Variants in GOLPH3 observed in about 807,000 individuals in gnomAD.
GOLPH3 encodes the protein golgi phosphoprotein 3.
GOLPH3 carries 14 observed loss-of-function variants against 28.5 expected under a neutral mutation model. That is an observed-to-expected ratio of 0.49 (90% CI 0.32 to 0.77). GOLPH3 has a LOEUF of 0.77. Among genes scored for constraint, GOLPH3 ranks in the 30% least tolerant of loss-of-function variants. The pLI is 0.03. For synonymous variants in GOLPH3, 158 were observed against 159.2 expected (o/e 0.99, Z 0.06); for missense variants, 350 against 393.7 (o/e 0.89, Z 0.94).
intron 1 of GOLPH3, among the ~76,000 whole-genome samples, chr5:32,149,468 T>C (rs1057421985): frequency 1.3e-5 from 2 of 152,184 alleles, no homozygotes; most frequent in Non-Finnish European, 2.9e-5. Context: ...AAACCTTGAA[T>C]TGTACACTTC....
At position 32,126,157 on chromosome 5, in the gene GOLPH3, A is replaced by G; in HGVS notation, c.*55T>C. The G allele has an allele frequency of 6.6e-7, 1 of 1,506,956 alleles. No individual in the cohort carries two copies. Among genetic ancestry groups the G allele is most frequent in the Non-Finnish European group, 9.0e-7 (1 of 1,114,284 alleles). 93.3% of individuals were successfully genotyped at this position (1,506,956 alleles called of 1,614,324 possible). A position where few individuals can be genotyped will look rare whatever the true frequency, so the allele number is the denominator to read the frequency against. On this transcript the variant is annotated 3_prime_UTR_variant, in exon 4 of 4. Transcript: ENST00000265070. ...ATTACAGAAAACCAGAAGTCAACAGAAGAAAAACTACTGGTTTACTTGAGA... is the reference window on the plus strand; with the variant it reads ...ATTACAGAAAACCAGAAGTCAACAGGAGAAAAACTACTGGTTTACTTGAGA...
intron 2 of GOLPH3, among the ~76,000 whole-genome samples, chr5:32,137,226 T>A (rs1027321587): frequency 3.9e-5 from 6 of 151,924 alleles, no homozygotes; most frequent in African/African-American, 1.2e-4. Context: ...CCCAAAGTGC[T>A]GGGATGACAG....
At chr5:32,156,578 T>C (rs1399751366) in intron 1 of GOLPH3, among the ~76,000 whole-genome samples, 1 of 152,160 alleles carries the variant, frequency 6.6e-6, no homozygotes, top group Non-Finnish European at 1.5e-5. Context: ...TGCCAGGGAC[T>C]GGTTTCAGGA....
intron 1 of GOLPH3, among the ~76,000 whole-genome samples, chr5:32,155,948 C>A: frequency 1.5e-5 from 1 of 67,674 alleles, no homozygotes; most frequent in East Asian, 5.5e-4. Flanking sequence ...AAGAGTGAAA[C>A]ACTGTCTCAA....
chr5:32,161,324 G>A (rs1746571322), intron 1 of GOLPH3, among the ~76,000 whole-genome samples: 1 of 146,982 alleles, frequency 6.8e-6, no homozygotes, highest in African/African-American at 2.6e-5. Context: ...GATCACCTGA[G>A]CCCAGCAAGT....
intron 2 of GOLPH3, among the ~76,000 whole-genome samples, chr5:32,138,317 T>G (rs1337611471): frequency 6.6e-6 from 1 of 152,226 alleles, no homozygotes; most frequent in Admixed American, 6.5e-5. Flanking sequence ...TATCTATCTC[T>G]GTGACATCAT....
intron 1 of GOLPH3, among the ~76,000 whole-genome samples, chr5:32,158,505 C>A (rs1444912407): frequency 1.3e-5 from 2 of 152,118 alleles, no homozygotes; most frequent in African/African-American, 4.8e-5. Context: ...AAGAGACAGA[C>A]CCGGACCAAC....
intron 3 of GOLPH3, among the ~76,000 whole-genome samples, chr5:32,130,500 A>G (rs1360363314): frequency 6.6e-6 from 1 of 152,216 alleles, no homozygotes; most frequent in African/African-American, 2.4e-5. Flanking sequence ...AAACCTAAGT[A>G]TAGCAGAATA....
chr5:32,128,477 G>A (rs1745745666), intron 3 of GOLPH3, among the ~76,000 whole-genome samples: 1 of 152,064 alleles, frequency 6.6e-6, no homozygotes, highest in Non-Finnish European at 1.5e-5. Flanking sequence ...GGCCAACATG[G>A]TGAAACCCCA....
intron 1 of GOLPH3, among the ~76,000 whole-genome samples, chr5:32,164,892 TATGTA>T (rs1029356187): frequency 6.7e-6 from 1 of 149,092 alleles, no homozygotes; most frequent in African/African-American, 2.5e-5. Flanking sequence ...TAAGGTAAAT[TATGTA>T]TTCTTTTTTT....
chr5:32,170,233 C>A (rs1360298014), intron 1 of GOLPH3, among the ~76,000 whole-genome samples: 1 of 152,110 alleles, frequency 6.6e-6, no homozygotes, highest in Admixed American at 6.6e-5. Flanking sequence ...AAAAACTAGG[C>A]AAAATTAATC....
At chr5:32,130,130 C>T (rs1357356044) in intron 3 of GOLPH3, among the ~76,000 whole-genome samples, 4 of 152,146 alleles carry the variant, frequency 2.6e-5, no homozygotes, top group South Asian at 4.1e-4. Flanking sequence ...CATGAGCCAC[C>T]GCACCCAGCC....
chr5:32,150,392 C>A (rs1746277341), intron 1 of GOLPH3, among the ~76,000 whole-genome samples: 1 of 146,238 alleles, frequency 6.8e-6, no homozygotes. Flanking sequence ...TTCCCTGGAG[C>A]TATACAAGTT....
At chr5:32,151,385 G>A (rs1035328280) in intron 1 of GOLPH3, among the ~76,000 whole-genome samples, 1 of 152,090 alleles carries the variant, frequency 6.6e-6, no homozygotes, top group Non-Finnish European at 1.5e-5. Flanking sequence ...AATTAGCTGG[G>A]TGCGATAGCA....
chr5:32,126,403 A>C lies in GOLPH3; in HGVS notation c.706T>G (p.Leu236Val). Residue 236 changes from leucine (L) to valine (V), a missense_variant, in exon 4 of 4, where the codon TTG (leucine) becomes GTG (valine). Leu to Val is a conservative substitution (Grantham distance 32). Coordinates refer to ENST00000265070, the MANE Select transcript of GOLPH3 (RefSeq NM_022130.4). ...VNDPHRMDRR[L>V]LALIYLAHAS... ...TGAGCCAGGTAAATGAGGGCCAGCA[A>C]GCGCCTGTCCATGCGGTGAGGGTCA... is the stretch of plus-strand genomic sequence containing the variant. The C allele has an allele frequency of 6.2e-7, 1 of 1,614,158 alleles. No homozygotes were observed. The highest frequency in any genetic ancestry group is 8.5e-7 in the Non-Finnish European group (1 of 1,180,040).
chr5:32,138,634 A>G (rs1016797683), intron 2 of GOLPH3, among the ~76,000 whole-genome samples: 2 of 152,240 alleles, frequency 1.3e-5, no homozygotes, highest in East Asian at 1.9e-4. Flanking sequence ...TTAACATGTA[A>G]TAAGTATTTT....
chr5:32,163,749 T>G (rs564197241), intron 1 of GOLPH3, among the ~76,000 whole-genome samples: 15 of 152,260 alleles, frequency 9.9e-5, no homozygotes, highest in Non-Finnish European at 2.1e-4. Context: ...ATACTTGGAT[T>G]AAACGGAACA....
chr5:32,142,144 C>T (rs1274079289), intron 2 of GOLPH3, among the ~76,000 whole-genome samples: 1 of 150,980 alleles, frequency 6.6e-6, no homozygotes, highest in African/African-American at 2.4e-5. Flanking sequence ...GCCGCCATCC[C>T]ATCTAGGAAG....
rs796123066 is a variant in GOLPH3 at position 32,135,656 on chromosome 5, C to A, written c.388G>T (p.Asp130Tyr). The A allele has an allele frequency of 6.2e-7, 1 of 1,613,432 alleles. No individual in the cohort carries two copies. Residue 130 changes from aspartate to tyrosine, a missense_variant, in exon 3 of 4, where the codon GAT (aspartate) becomes TAT (tyrosine). Transcript: ENST00000265070. Reference sequence around the variant, plus strand: ...TTCAGAGCTTCATCAAGAAGAACATCCCCTGTTGGAGCATCTGACTTACAG... The same window carrying A: ...TTCAGAGCTTCATCAAGAAGAACATACCCTGTTGGAGCATCTGACTTACAG... ...VICKSDAPTG[D>Y]VLLDEALKHV...
Sources: gnomAD v4.1 joint callset for allele counts (sites outside exome capture counted in the v4.1 genomes callset) on GRCh38, gnomAD v4.1.1 for gene constraint, MANE v1.5 for transcripts, NCBI Gene and HGNC (gene_info 2026-07-23, HGNC 2026-07-21) for gene names.